WDPCP: variants seen among roughly 807,000 people sequenced by gnomAD.
WDPCP encodes the protein WD repeat-containing and planar cell polarity effector protein fritz homolog.
WDPCP carries 71 observed loss-of-function variants against 93.1 expected under a neutral mutation model. The ratio of observed to expected loss-of-function variants is 0.76; its 90% CI spans 0.63 to 0.93. The LOEUF is 0.93. Among genes scored for constraint, WDPCP ranks in the 40% least tolerant of loss-of-function variants. WDPCP has a pLI of 0.00. For synonymous variants in WDPCP, 315 were observed against 315.0 expected (o/e 1.00, Z 0.00); for missense variants, 844 against 887.4 (o/e 0.95, Z 0.62).
upstream of WDPCP, among the ~76,000 whole-genome samples, chr2:63,592,059 C>T (rs1272551047): frequency 6.6e-6 from 1 of 152,194 alleles, no homozygotes; most frequent in African/African-American, 2.4e-5. Context: ...TCTACTGCTT[C>T]TCTAGCCCCC....
chr2:63,169,784 A>C (rs1414238680), intron 15 of WDPCP, among the ~76,000 whole-genome samples: 3 of 151,518 alleles, frequency 2.0e-5, no homozygotes, highest in Non-Finnish European at 4.4e-5. Flanking sequence ...CGCCATTTTC[A>C]ATGTTTTTAA....
In WDPCP at chr2:63,594,087, T is replaced by C. The variant is rs571429819; in HGVS notation, n.488+56572A>G. 1.1e-3 allele frequency among the ~76,000 whole-genome samples: 170 copies of C among 152,336 alleles called. No homozygotes were observed. The Middle Eastern group carries it at 0.017, about 15-fold the overall frequency. ...TGTAAATGGAAAGTTTTAGCCTCTTTCACTCTTCTTCTTGGTATGAAGATT... is the reference window on the plus strand; with the variant it reads ...TGTAAATGGAAAGTTTTAGCCTCTTCCACTCTTCTTCTTGGTATGAAGATT... On this transcript the variant is annotated intron_variant and non_coding_transcript_variant, in intron 3 of 4. Transcript: ENST00000467687.
At chr2:63,644,743 G>A (rs1158183743) in intron 3 of WDPCP, among the ~76,000 whole-genome samples, 2 of 152,048 alleles carry the variant, frequency 1.3e-5, no homozygotes, top group Admixed American at 6.6e-5. Context: ...TTGGTATGTG[G>A]TATGCATCTA....
Position 63,382,821 on chromosome 2 carries a change from G to A in WDPCP, c.1436-727C>T, listed in dbSNP as rs186500551. Among the ~76,000 whole-genome samples, 343 of 152,206 alleles carry A rather than the reference G, an allele frequency of 2.3e-3. 1 individual carries two copies. The highest frequency in any genetic ancestry group is 4.1e-3 in the Non-Finnish European group (280 of 68,016). On this transcript the variant is annotated intron_variant, in intron 10 of 17. Transcript: ENST00000272321. Reference sequence around the variant, plus strand: ...GACTCAACTTGATAGGGAATCTGGGGAATTGCCCTGACTATACTAAGCAGT... The same window carrying A: ...GACTCAACTTGATAGGGAATCTGGGAAATTGCCCTGACTATACTAAGCAGT...
At chr2:63,715,171 T>C (rs1207611113) in intron 2 of WDPCP, among the ~76,000 whole-genome samples, 4 of 152,192 alleles carry the variant, frequency 2.6e-5, no homozygotes, top group Non-Finnish European at 4.4e-5. Context: ...TGGATTTTCT[T>C]TGTGGGGTGA....
At chr2:63,676,584 A>G (rs1710405739) in intron 2 of WDPCP, among the ~76,000 whole-genome samples, 1 of 152,196 alleles carries the variant, frequency 6.6e-6, no homozygotes, top group Non-Finnish European at 1.5e-5. Flanking sequence ...AAAAAAAAGG[A>G]TACATATTAC....
At chr2:63,280,633 A>G (rs572165305) in intron 13 of WDPCP, among the ~76,000 whole-genome samples, 2 of 152,372 alleles carry the variant, frequency 1.3e-5, no homozygotes, top group African/African-American at 4.8e-5. Flanking sequence ...AAATAGGCAC[A>G]TAGACCAATG....
chr2:63,649,894 A>C (rs1467582526), intron 3 of WDPCP, among the ~76,000 whole-genome samples: 1 of 152,200 alleles, frequency 6.6e-6, no homozygotes, highest in Non-Finnish European at 1.5e-5. Context: ...AAAGAGACAG[A>C]CCAGATAAAG....
intron 2 of WDPCP, among the ~76,000 whole-genome samples, chr2:63,749,477 A>G (rs1343541771): frequency 6.6e-6 from 1 of 152,080 alleles, no homozygotes; most frequent in East Asian, 1.9e-4. Context: ...CCATTTGAGT[A>G]CCCATACAAC....
chr2:63,135,662 A>G (rs1670566105), intron 17 of WDPCP, among the ~76,000 whole-genome samples: 1 of 152,216 alleles, frequency 6.6e-6, no homozygotes, highest in African/African-American at 2.4e-5. Flanking sequence ...TAAAATTCTC[A>G]TAATTATGGC....
At chr2:63,807,301 G>T (rs1265517059) in intron 2 of WDPCP, among the ~76,000 whole-genome samples, 1 of 152,294 alleles carries the variant, frequency 6.6e-6, no homozygotes, top group African/African-American at 2.4e-5. Flanking sequence ...ATGGCTTAGC[G>T]CCATTCTTGA....
intron 8 of WDPCP, 34 bp from the exon 9 acceptor site, chr2:63,433,970 T>G: frequency 1.9e-6 from 3 of 1,602,690 alleles, no homozygotes; most frequent in Non-Finnish European, 2.6e-6. Context: ...ATGAAACATT[T>G]CTTTTAAAAG....
At chr2:63,193,770 T>C (rs1224004798) in intron 14 of WDPCP, among the ~76,000 whole-genome samples, 1 of 152,202 alleles carries the variant, frequency 6.6e-6, no homozygotes, top group East Asian at 1.9e-4. Flanking sequence ...AAAATTTGCA[T>C]TGTTGGGTAA....
intron 12 of WDPCP, among the ~76,000 whole-genome samples, chr2:63,340,283 G>A (rs368316097): frequency 1.3e-5 from 2 of 152,084 alleles, no homozygotes; most frequent in East Asian, 3.9e-4. Flanking sequence ...GGTCCTAAAG[G>A]GATTATCCCA....
At chr2:63,533,486 A>G (rs1704021400) in intron 1 of WDPCP, among the ~76,000 whole-genome samples, 1 of 152,226 alleles carries the variant, frequency 6.6e-6, no homozygotes, top group African/African-American at 2.4e-5. Context: ...CAAATGTAAA[A>G]GAACAGAAAT....
intron 13 of WDPCP, among the ~76,000 whole-genome samples, chr2:63,298,161 G>GT (rs1685021644): frequency 6.6e-6 from 1 of 152,172 alleles, no homozygotes; most frequent in African/African-American, 2.4e-5. Flanking sequence ...TAGAGGGTAA[G>GT]TAAGGCCAGC....
chr2:63,395,585 AGCGTATCAAT>A (rs1693653610), intron 10 of WDPCP, among the ~76,000 whole-genome samples: 1 of 152,190 alleles, frequency 6.6e-6, no homozygotes, highest in South Asian at 2.1e-4. Flanking sequence ...AATAATGGAA[AGCGTATCAAT>A]GCTCATCAGC....
chr2:63,336,836 A>C (rs577288499), intron 12 of WDPCP, among the ~76,000 whole-genome samples: 2 of 148,694 alleles, frequency 1.3e-5, no homozygotes, highest in South Asian at 4.3e-4. Context: ...TTTATCCTCC[A>C]TCTTACCCTT....
At chr2:63,766,256 A>G (rs1195522590) in intron 2 of WDPCP, among the ~76,000 whole-genome samples, 5 of 152,184 alleles carry the variant, frequency 3.3e-5, no homozygotes, top group African/African-American at 7.2e-5. Flanking sequence ...TTACATACAT[A>G]TAAGTTTTAT....
Sources: gnomAD v4.1 joint callset for allele counts (sites outside exome capture counted in the v4.1 genomes callset) on GRCh38, gnomAD v4.1.1 for gene constraint, MANE v1.5 for transcripts, NCBI Gene and HGNC (gene_info 2026-07-23, HGNC 2026-07-21) for gene names.